The following DNAH12 variants were observed in gnomAD, a reference collection of about 807,000 sequenced individuals.
DNAH12 encodes dynein axonemal heavy chain 12.
Under a neutral mutation model 371.5 loss-of-function variants are expected in DNAH12, and 285 were observed. That is an observed-to-expected ratio of 0.77 (90% CI 0.70 to 0.85). The LOEUF is 0.85. Among genes scored for constraint, DNAH12 ranks in the 40% least tolerant of loss-of-function variants. The probability of loss-of-function intolerance (pLI) is 0.00; values close to 1 mark genes in which losing one functional copy is unlikely to be tolerated. For synonymous variants in DNAH12, 1,200 were observed against 1,213.0 expected, an observed-to-expected ratio of 0.99 and a Z score of 0.22; for missense variants, 3,611 against 3,689.4, an observed-to-expected ratio of 0.98 and a Z score of 0.55.
intron 62 of DNAH12, among the ~76,000 whole-genome samples, chr3:57,324,764 G>A (rs1220131923): frequency 1.3e-5 from 2 of 152,220 alleles, no homozygotes; most frequent in South Asian, 2.1e-4. Context: ...GAAGCAGGGC[G>A]AGGCATTGCC....
the DNAH12 span, among the ~76,000 whole-genome samples, chr3:57,553,256 C>T: frequency 6.6e-6 from 1 of 152,146 alleles, no homozygotes; most frequent in Non-Finnish European, 1.5e-5. Flanking sequence ...TTAACCAAGG[C>T]CTTTCAGATA....
chr3:57,478,190 A>G (rs939107090), intron 13 of DNAH12, among the ~76,000 whole-genome samples: 30 of 152,286 alleles, frequency 2.0e-4, no homozygotes, highest in Admixed American at 4.6e-4. Context: ...AAATTAGACG[A>G]ATGGCTAACT....
intron 2 of DNAH12, among the ~76,000 whole-genome samples, chr3:57,535,779 T>TGATC (rs2069015572): frequency 6.6e-6 from 1 of 151,614 alleles, no homozygotes; most frequent in Non-Finnish European, 1.5e-5. Context: ...CAACCTCAGG[T>TGATC]GATCCTCCTG....
chr3:57,384,677 C>T (rs2063466174), intron 49 of DNAH12, among the ~76,000 whole-genome samples, 152 bp downstream of exon 49: 1 of 152,040 alleles, frequency 6.6e-6, no homozygotes, highest in Non-Finnish European at 1.5e-5. Flanking sequence ...AACAATATAT[C>T]AAAGGTAAAC....
At chr3:57,465,894 A>T (rs2066185808) in intron 17 of DNAH12, among the ~76,000 whole-genome samples, 1 of 152,180 alleles carries the variant, frequency 6.6e-6, no homozygotes, top group South Asian at 2.1e-4. Context: ...AAGAGAAATG[A>T]AAATTCTCCT....
At chr3:57,301,975 A>T in intron 69 of DNAH12, 36 bp from the exon 70 acceptor site, 2 of 1,525,406 alleles carry the variant, frequency 1.3e-6, no homozygotes, top group Non-Finnish European at 1.8e-6. Flanking sequence ...AACATATATG[A>T]TGATATCAAC....
intron 32 of DNAH12, 108 bp downstream of exon 32, chr3:57,433,259 T>A (rs1303703295): frequency 7.8e-7 from 1 of 1,281,814 alleles, no homozygotes; most frequent in Admixed American, 3.4e-5. Context: ...ACTTGCTGCA[T>A]CCTTTATTTT....
intron 39 of DNAH12, among the ~76,000 whole-genome samples, 154 bp from the exon 40 acceptor site, chr3:57,408,689 A>C (rs1559625874): frequency 6.6e-6 from 1 of 152,110 alleles, no homozygotes; most frequent in African/African-American, 2.4e-5. Flanking sequence ...ATTTTTTTTA[A>C]AGCAGAATTT....
intron 70 of DNAH12, among the ~76,000 whole-genome samples, chr3:57,298,770 A>AT (rs1368271497): frequency 6.6e-6 from 1 of 152,108 alleles, no homozygotes; most frequent in Non-Finnish European, 1.5e-5. Context: ...ATCCCAGAGC[A>AT]TTTTACATGT....
intron 39 of DNAH12, 116 bp downstream of exon 39, chr3:57,413,630 A>C: frequency 8.7e-7 from 1 of 1,149,316 alleles, no homozygotes; most frequent in Non-Finnish European, 1.2e-6. Flanking sequence ...GTATAGGAAA[A>C]TCTGAGCAAC....
chr3:57,471,751 A>G, intron 14 of DNAH12, 145 bp from the exon 15 acceptor site: 1 of 681,956 alleles, frequency 1.5e-6, no homozygotes, highest in Non-Finnish European at 2.2e-6. Context: ...AATTACTAAT[A>G]TAAAAATGCA....
At chr3:57,334,646 G>A (rs1179920356) in intron 61 of DNAH12, 37 bp from the exon 62 acceptor site, 2 of 1,519,456 alleles carry the variant, frequency 1.3e-6, no homozygotes, top group African/African-American at 2.8e-5. Context: ...TCTTTTTATT[G>A]GGAAAAACTT....
intron 42 of DNAH12, 63 bp downstream of exon 42, chr3:57,404,906 C>G: frequency 7.2e-7 from 1 of 1,382,682 alleles, no homozygotes. Context: ...TGGTACATTT[C>G]AAACATTTCA....
At chr3:57,417,520 T>C (rs576933156) in intron 37 of DNAH12, among the ~76,000 whole-genome samples, 6 of 152,194 alleles carry the variant, frequency 3.9e-5, no homozygotes, top group Non-Finnish European at 8.8e-5. Flanking sequence ...TTGGGGTCCA[T>C]GAGCCAACTA....
rs2062851204 is a variant in DNAH12 at position 57,358,565 on chromosome 3, A to T, written c.9361-1217T>A. ...TTGCAAACAAACTTTCCCCAAAATT[A>T]CACTGTATAACCACAAATGAACTAA... On this transcript the variant is annotated intron_variant, in intron 58 of 73. Coordinates refer to ENST00000495027, the MANE Select transcript of DNAH12 (RefSeq NM_001366028.2). Among the ~76,000 whole-genome samples the T allele has an allele frequency of 4.6e-5, 7 of 152,318 alleles. No homozygotes were observed. In the South Asian group the frequency reaches 1.5e-3, roughly 32 times the overall value.
chr3:57,548,241 A>G (rs189374629), upstream of DNAH12, among the ~76,000 whole-genome samples: 27 of 152,334 alleles, frequency 1.8e-4, no homozygotes, highest in Admixed American at 8.5e-4. Flanking sequence ...AATGTAATGC[A>G]AAGGTTTCCT....
In DNAH12 at chr3:57,387,104, A is replaced by T. The variant is rs2063512285; in HGVS notation, c.7421T>A (p.Ile2474Asn). Reference sequence around the variant, plus strand: ...TATTAACCTTTCTGAAAGATCCATAATGGAGGTGTGAAAGTGTTTACAGAT... The same window carrying T: ...TATTAACCTTTCTGAAAGATCCATATTGGAGGTGTGAAAGTGTTTACAGAT... ...VPICKHFHTS[I>N]MDLSERFLHE... Residue 2474 changes from isoleucine to asparagine, a missense_variant, in exon 46 of 74, where the codon ATT becomes AAT. Coordinates refer to ENST00000495027, the MANE Select transcript of DNAH12 (RefSeq NM_001366028.2). The T allele has an allele frequency of 6.6e-6, 1 of 152,216 alleles. No individual in the cohort carries two copies. Among genetic ancestry groups the T allele is most frequent in the Non-Finnish European group, 1.5e-5 (1 of 68,030 alleles). The allele number at this position is 152,216 out of a possible 1,614,324, so 9.4% of individuals were successfully genotyped here.
chr3:57,303,396 TTTC>T (rs2061403523), intron 69 of DNAH12, among the ~76,000 whole-genome samples: 1 of 150,640 alleles, frequency 6.6e-6, no homozygotes, highest in African/African-American at 2.4e-5. Flanking sequence ...TATGGAACTT[TTTC>T]TTTCTTTTCT....
intron 18 of DNAH12, among the ~76,000 whole-genome samples, chr3:57,462,282 G>A (rs140466500): frequency 1.4e-4 from 21 of 151,878 alleles, no homozygotes; most frequent in African/African-American, 4.6e-4. Context: ...ACAGAGTTTC[G>A]CTCTTGTCAC....
Sources: allele counts gnomAD v4.1 joint callset (sites outside exome capture counted in the v4.1 genomes callset), GRCh38; gene constraint gnomAD v4.1.1; transcripts MANE v1.5; gene names NCBI Gene and HGNC (gene_info 2026-07-23, HGNC 2026-07-21).